Variants in POLA1 observed in about 807,000 individuals in gnomAD.
POLA1 encodes the protein DNA polymerase alpha 1, catalytic subunit.
POLA1 carries 15 observed loss-of-function variants against 124.0 expected under a neutral mutation model. The ratio of observed to expected loss-of-function variants is 0.12; its 90% CI spans 0.08 to 0.19. POLA1 has a LOEUF of 0.19. Among genes scored for constraint, POLA1 ranks in the 10% least tolerant of loss-of-function variants. The pLI is 1.00. For missense variants in POLA1, 886 were observed against 1,103.4 expected, an observed-to-expected ratio of 0.80 and a Z score of 2.79; for synonymous variants, 408 against 389.4, an observed-to-expected ratio of 1.05 and a Z score of -0.56.
rs11573317 is a variant in POLA1, at chrX:24,705,923, C to T, written c.346+1454C>T. Among the ~76,000 whole-genome samples, 8 of 112,290 alleles carry T rather than the reference C, an allele frequency of 7.1e-5. No individual in the cohort carries two copies. The East Asian group carries it at 2.0e-3, about 27-fold the overall frequency. On this transcript the variant is annotated intron_variant, in intron 4 of 36. Coordinates refer to ENST00000379068, the MANE Select transcript of POLA1 (RefSeq NM_001330360.2). Reference sequence around the variant, plus strand: ...TCCTTCCCATATCAGGGGCATATGACGTCACTTGTACCATTATTGTTGATA... The same window carrying T: ...TCCTTCCCATATCAGGGGCATATGATGTCACTTGTACCATTATTGTTGATA...
chrX:24,842,409 A>G (rs745784806), intron 33 of POLA1, among the ~76,000 whole-genome samples: 22 of 112,192 alleles, frequency 2.0e-4, no homozygotes, highest in African/African-American at 4.5e-4. Flanking sequence ...AACTTGGCCA[A>G]TTTACTTGAT....
chrX:24,761,077 C>T (rs761462328), intron 26 of POLA1, among the ~76,000 whole-genome samples: 1 of 111,980 alleles, frequency 8.9e-6, no homozygotes, highest in African/African-American at 3.2e-5. Flanking sequence ...AATTTTTACT[C>T]ACATTTTTAA....
At chrX:24,903,419 C>CT (rs2047308837) in intron 35 of POLA1, among the ~76,000 whole-genome samples, 1 of 112,308 alleles carries the variant, frequency 8.9e-6, no homozygotes, top group South Asian at 3.7e-4. Context: ...GATAATTAAA[C>CT]TTATTGAATA....
At chrX:24,859,704 G>T (rs1350260176) in intron 34 of POLA1, among the ~76,000 whole-genome samples, 1 of 112,542 alleles carries the variant, frequency 8.9e-6, no homozygotes, top group East Asian at 2.8e-4. Flanking sequence ...TGTCACCTGA[G>T]CAAAGCATAG....
chrX:24,750,001 G>A (rs1162182009), intron 26 of POLA1, among the ~76,000 whole-genome samples: 2 of 111,763 alleles, frequency 1.8e-5, no homozygotes, highest in Non-Finnish European at 3.8e-5. Flanking sequence ...TATATTGGGG[G>A]GTCTGTACTC....
Position 24,826,485 on chromosome X carries a change from A to G in POLA1, c.3620A>G (p.Gln1207Arg), listed in dbSNP as rs1022204937. 1 of 1,204,320 alleles carries G rather than the reference A, an allele frequency of 8.3e-7. No homozygotes were observed. The highest frequency in any genetic ancestry group is 1.8e-5 in the African/African-American group (1 of 56,992). The part of the protein sequence containing the change: ...RAYAPEQLQK[Q>R]DNLTIDTQYY... ...TATGCGCCTGAGCAGCTGCAGAAAC[A>G]GGATAATCTAACCATTGACACCCAG... Residue 1207 changes from glutamine to arginine, a missense_variant, in exon 32 of 37, where the codon CAG becomes CGG. Gln to Arg is a conservative substitution (Grantham distance 43, BLOSUM62 1). This residue lies in a region of POLA1 where 313 missense variants were observed against 359.7 expected (regional missense o/e 0.87). Coordinates refer to ENST00000379068, the MANE Select transcript of POLA1 (RefSeq NM_001330360.2).
chrX:24,763,868 T>C (rs1018097480), intron 26 of POLA1, among the ~76,000 whole-genome samples: 2 of 111,846 alleles, frequency 1.8e-5, no homozygotes, highest in Non-Finnish European at 3.8e-5. Context: ...AATGTAATTA[T>C]CCATAGTTTA....
At chrX:24,968,555 T>A (rs868768891) in intron 36 of POLA1, among the ~76,000 whole-genome samples, 3 of 109,558 alleles carry the variant, frequency 2.7e-5, no homozygotes, top group Non-Finnish European at 5.7e-5. Context: ...AAAAATTAGC[T>A]GGGCGTGCGT....
chrX:24,809,158 C>T (rs1471816511), intron 26 of POLA1, among the ~76,000 whole-genome samples: 2 of 110,229 alleles, frequency 1.8e-5, no homozygotes, highest in Non-Finnish European at 3.8e-5. Flanking sequence ...GTATTTTAAA[C>T]GCCCCCCCCG....
chrX:24,798,797 A>G (rs2045656816), intron 26 of POLA1, among the ~76,000 whole-genome samples: 1 of 111,354 alleles, frequency 9.0e-6, no homozygotes, highest in African/African-American at 3.3e-5. Flanking sequence ...GGTCAACTGT[A>G]TTTATTCTAG....
intron 4 of POLA1, among the ~76,000 whole-genome samples, chrX:24,712,170 C>A (rs745385617): frequency 2.3e-4 from 26 of 111,170 alleles, no homozygotes; most frequent in African/African-American, 8.2e-4. Context: ...ATTGCAACTT[C>A]CGCCTCCTGG....
intron 36 of POLA1, among the ~76,000 whole-genome samples, chrX:24,936,620 C>T (rs2047851533): frequency 9.0e-6 from 1 of 111,513 alleles, no homozygotes; most frequent in African/African-American, 3.3e-5. Context: ...CAAGCTCTGC[C>T]TCCTGGGTTC....
intron 26 of POLA1, among the ~76,000 whole-genome samples, chrX:24,757,986 C>A (rs1932700619): frequency 9.0e-6 from 1 of 111,279 alleles, no homozygotes; most frequent in Admixed American, 9.5e-5. Context: ...TACTAAGGAA[C>A]CATCTGTTTG....
At chrX:24,883,252 T>G (rs954743392) in intron 34 of POLA1, among the ~76,000 whole-genome samples, 14 of 112,365 alleles carry the variant, frequency 1.2e-4, no homozygotes, top group Non-Finnish European at 2.4e-4. Flanking sequence ...ATTAGACCTT[T>G]GTCAGATGCA....
rs367983350 is a variant in POLA1 at position 24,934,869 on chromosome X, C to T, written c.4261+4320C>T. On this transcript the variant is annotated intron_variant, in intron 36 of 36. Coordinates refer to ENST00000379068, the MANE Select transcript of POLA1 (RefSeq NM_001330360.2). ...TCCTGAGTAGCTGGGATTACAGGTG[C>T]ACGTCACCACGCCCAGCTAATTTTT... Among the ~76,000 whole-genome samples the T allele has an allele frequency of 1.4e-4, 16 of 111,787 alleles. 1 individual carries two copies. The East Asian group carries it at 4.2e-3, about 30-fold the overall frequency.
chrX:24,739,655 A>G (rs183991167), intron 20 of POLA1, 105 bp downstream of exon 20: 2 of 472,379 alleles, frequency 4.2e-6, no homozygotes, highest in East Asian at 4.2e-5. Flanking sequence ...GTGGTGTTGT[A>G]GAGGGGAAAT....
intron 35 of POLA1, among the ~76,000 whole-genome samples, chrX:24,911,928 A>G (rs1024679423): frequency 5.3e-5 from 6 of 112,533 alleles, no homozygotes; most frequent in Non-Finnish European, 5.6e-5. Flanking sequence ...TTGTATTTAT[A>G]GTTAAGAAGA....
chrX:24,972,007 C>T (rs1417709874), intron 36 of POLA1, among the ~76,000 whole-genome samples: 1 of 101,851 alleles, frequency 9.8e-6, no homozygotes, highest in South Asian at 4.3e-4. Flanking sequence ...TCACTCTTAT[C>T]ACCCAGGCTG....
At chrX:24,954,981 G>A (rs1308783636) in intron 36 of POLA1, among the ~76,000 whole-genome samples, 2 of 111,766 alleles carry the variant, frequency 1.8e-5, no homozygotes, top group Non-Finnish European at 3.8e-5. Flanking sequence ...ATGGACATTT[G>A]TGAGCTTGCT....
Sources: allele counts gnomAD v4.1 joint callset (sites outside exome capture counted in the v4.1 genomes callset), GRCh38; gene constraint gnomAD v4.1.1; regional missense constraint gnomAD v4.1.1; transcripts MANE v1.5; gene names NCBI Gene and HGNC (gene_info 2026-07-23, HGNC 2026-07-21).